Variants in TRANK1 observed in about 807,000 individuals in gnomAD.
The protein encoded by TRANK1 is tetratricopeptide repeat and ankyrin repeat containing 1.
Under a neutral mutation model 266.0 loss-of-function variants are expected in TRANK1, and 198 were observed. That is an observed-to-expected ratio of 0.74 (90% CI 0.66 to 0.84). TRANK1 has a LOEUF of 0.84. Among genes scored for constraint, TRANK1 ranks in the 40% least tolerant of loss-of-function variants. The pLI is 0.00. For missense variants in TRANK1, 3,326 were observed against 3,634.6 expected (o/e 0.92, Z 2.18); for synonymous variants, 1,396 against 1,384.1 (o/e 1.01, Z -0.19).
Position 36,846,375 on chromosome 3 carries a change from G to A in TRANK1, c.5064C>T (p.Tyr1688=), listed in dbSNP as rs1283057547. 6 of 1,613,362 alleles carry A rather than the reference G, an allele frequency of 3.7e-6. No homozygotes were observed. The highest frequency in any genetic ancestry group is 1.3e-5 in the African/African-American group (1 of 74,916). The change falls in exon 17 of 24, where the codon TAC becomes TAT. Residue 1688 remains tyrosine, a synonymous_variant. Transcript: ENST00000645898. ...TGACCCGAGCCCGTGTGATGGCGGTGTACAGCTGCTTCAGCTCTCCGTTGA... is the reference window on the plus strand; with the variant it reads ...TGACCCGAGCCCGTGTGATGGCGGTATACAGCTGCTTCAGCTCTCCGTTGA... The part of the protein sequence containing the change: ...KLLNGELKQL[Y]TAITRARVNL...
intron 8 of TRANK1, among the ~76,000 whole-genome samples, chr3:36,886,777 T>G (rs2079612425): frequency 6.6e-6 from 1 of 152,080 alleles, no homozygotes; most frequent in Non-Finnish European, 1.5e-5. Context: ...CCGGGCATAG[T>G]AGCACGCATC....
At chr3:36,881,830 A>T (rs1370468907) in intron 8 of TRANK1, among the ~76,000 whole-genome samples, 1 of 152,148 alleles carries the variant, frequency 6.6e-6, no homozygotes, top group East Asian at 1.9e-4. Context: ...GACATTTCAT[A>T]TCAACGGAAT....
chr3:36,922,660 C>A (rs1421004408), intron 1 of TRANK1, among the ~76,000 whole-genome samples: 1 of 151,946 alleles, frequency 6.6e-6, no homozygotes, highest in Non-Finnish European at 1.5e-5. Context: ...CCTGTAGTCC[C>A]AGCTACTCGG....
intron 1 of TRANK1, among the ~76,000 whole-genome samples, chr3:36,913,390 T>TTTCC (rs2080080312): frequency 1.3e-5 from 2 of 151,630 alleles, no homozygotes; most frequent in South Asian, 2.1e-4. Flanking sequence ...TTCTTGCCTG[T>TTTCC]TTGCTTGCTT....
At chr3:36,904,175 C>T (rs1237899799) in intron 2 of TRANK1, among the ~76,000 whole-genome samples, 1 of 150,326 alleles carries the variant, frequency 6.7e-6, no homozygotes. Flanking sequence ...AGGATGGTCT[C>T]GAATTCCTGA....
intron 1 of TRANK1, among the ~76,000 whole-genome samples, chr3:36,927,257 ACT>A (rs1448452709): frequency 6.6e-6 from 1 of 152,194 alleles, no homozygotes; most frequent in Non-Finnish European, 1.5e-5. Context: ...TGAGACCTAC[ACT>A]CACATGCCAA....
chr3:36,847,981 T>C (rs2078937724), intron 15 of TRANK1, among the ~76,000 whole-genome samples: 1 of 152,258 alleles, frequency 6.6e-6, no homozygotes, highest in Non-Finnish European at 1.5e-5. Context: ...GTTTAATAGT[T>C]GACATTTTAC....
chr3:36,857,321 C>A lies in TRANK1; in HGVS notation c.2401G>T (p.Val801Leu), dbSNP rs1024452582. Residue 801 changes from valine (V) to leucine (L), a missense_variant, in exon 13 of 24, where the codon GTG becomes TTG. Coordinates refer to ENST00000645898, the MANE Select transcript of TRANK1 (RefSeq NM_001329998.2). This position sits in a 1 kb window ranked among gnomAD's most constrained non-coding sequence, Gnocchi z 4.3. ...AQVGLGALQL[V>L]PDDNRGKEGN... ...TCCTTCCCCCTGTTATCATCAGGCACAAGCTGCAAGGCCCCAAGGCCCACC... is the reference window on the plus strand; with the variant it reads ...TCCTTCCCCCTGTTATCATCAGGCAAAAGCTGCAAGGCCCCAAGGCCCACC... The A allele has an allele frequency of 2.5e-6, 4 of 1,608,734 alleles. No homozygotes were observed. The highest frequency in any genetic ancestry group is 3.4e-6 in the Non-Finnish European group (4 of 1,177,428).
intron 1 of TRANK1, among the ~76,000 whole-genome samples, chr3:36,935,176 C>T (rs898197075): frequency 5.9e-5 from 9 of 152,180 alleles, no homozygotes; most frequent in Non-Finnish European, 1.3e-4. Context: ...CTCCCTCCCT[C>T]CACTTTAACC....
intron 1 of TRANK1, among the ~76,000 whole-genome samples, chr3:36,931,312 T>C (rs1299967476): frequency 1.3e-5 from 2 of 152,088 alleles, no homozygotes; most frequent in Non-Finnish European, 2.9e-5. Context: ...TGATCTAGGA[T>C]AACCTCCAAA....
At chr3:36,929,596 A>G (rs1221881186) in intron 1 of TRANK1, among the ~76,000 whole-genome samples, 1 of 152,242 alleles carries the variant, frequency 6.6e-6, no homozygotes, top group Non-Finnish European at 1.5e-5. Flanking sequence ...ACAACTCACT[A>G]AACATCTGGA....
intron 8 of TRANK1, among the ~76,000 whole-genome samples, chr3:36,881,527 C>T (rs1039979649): frequency 2.0e-5 from 3 of 151,888 alleles, no homozygotes; most frequent in Non-Finnish European, 4.4e-5. Flanking sequence ...GCAGGAGAAT[C>T]GCTTGAACCC....
intron 3 of TRANK1, among the ~76,000 whole-genome samples, chr3:36,901,986 C>T (rs1205664367): frequency 6.6e-6 from 1 of 152,158 alleles, no homozygotes; most frequent in Non-Finnish European, 1.5e-5. Flanking sequence ...AATGCACTCC[C>T]ATTTTCAAAA....
At chr3:36,867,369 A>G (rs1282123962) in intron 9 of TRANK1, among the ~76,000 whole-genome samples, 1 of 152,234 alleles carries the variant, frequency 6.6e-6, no homozygotes, top group Non-Finnish European at 1.5e-5. Context: ...ACTAAGCTCA[A>G]CAAAAGACAC....
chr3:36,849,159 G>T (rs537466229), intron 15 of TRANK1, among the ~76,000 whole-genome samples: 3 of 152,142 alleles, frequency 2.0e-5, no homozygotes, highest in Non-Finnish European at 4.4e-5. Context: ...CCTTTGAGGG[G>T]CCTATTCTCT....
Position 36,833,219 on chromosome 3 carries a change from C to A in TRANK1, c.6364G>T (p.Val2122Leu). 6.2e-7 allele frequency: 1 copy of A among 1,614,008 alleles called. No individual in the cohort carries two copies. Among genetic ancestry groups the A allele is most frequent in the Non-Finnish European group, 8.5e-7 (1 of 1,179,894 alleles). ...SCFEFFGISQ[V>L]DAKYCQIAQN... ...GCTATCTGGCAATACTTGGCATCCA[C>A]CTGGGAAATCCCAAAAAACTCAAAG... is the stretch of plus-strand genomic sequence containing the variant. The change falls in exon 22 of 24, where the codon GTG becomes TTG. Residue 2122 changes from valine to leucine, a missense_variant. By Grantham distance (32) the Val-to-Leu change is conservative. Coordinates refer to ENST00000645898, the MANE Select transcript of TRANK1 (RefSeq NM_001329998.2).
intron 9 of TRANK1, among the ~76,000 whole-genome samples, chr3:36,871,510 T>A (rs1415151713): frequency 6.6e-6 from 1 of 152,198 alleles, no homozygotes; most frequent in Non-Finnish European, 1.5e-5. Context: ...GTTTCTCAAA[T>A]CATGGAAACC....
chr3:36,889,716 C>T, intron 8 of TRANK1, 113 bp downstream of exon 8: 1 of 1,368,362 alleles, frequency 7.3e-7, no homozygotes. Flanking sequence ...GAAGTTTAGC[C>T]CTCTGAGCCA....
chr3:36,842,616 C>G lies in TRANK1; in HGVS notation c.5280+6G>C, dbSNP rs753518948. On this transcript the variant is annotated splice_donor_region_variant and intron_variant, in intron 18 of 23. Transcript: ENST00000645898. Reference sequence around the variant, plus strand: ...GACAAGGACCCCTCCTAGTCCAACCCCTTACCTTCCAGCACTGGTGCTTGG... The same window carrying G: ...GACAAGGACCCCTCCTAGTCCAACCGCTTACCTTCCAGCACTGGTGCTTGG... The G allele has an allele frequency of 6.2e-7, 1 of 1,613,648 alleles. No homozygotes were observed. The highest frequency in any genetic ancestry group is 8.5e-7 in the Non-Finnish European group (1 of 1,179,756).
Sources: allele counts gnomAD v4.1 joint callset (sites outside exome capture counted in the v4.1 genomes callset), GRCh38; gene constraint gnomAD v4.1.1; non-coding constraint Gnocchi (gnomAD v3.1); transcripts MANE v1.5; gene names NCBI Gene and HGNC (gene_info 2026-07-23, HGNC 2026-07-21).